Variants in LPP observed in about 807,000 individuals in gnomAD.
LPP encodes lipoma-preferred partner.
Under a neutral mutation model 60.4 loss-of-function variants are expected in LPP, and 38 were observed. The ratio of observed to expected loss-of-function variants is 0.63; its 90% CI spans 0.49 to 0.83. The LOEUF is 0.83. LPP is among the 40% of genes least tolerant of loss of function. LPP has a pLI of 0.00. For missense variants in LPP, 902 were observed against 783.6 expected, an observed-to-expected ratio of 1.15 and a Z score of -1.80; for synonymous variants, 328 against 290.8, an observed-to-expected ratio of 1.13 and a Z score of -1.30.
chr3:188,729,060 C>G (rs1273408441), intron 8 of LPP, among the ~76,000 whole-genome samples: 1 of 151,994 alleles, frequency 6.6e-6, no homozygotes, highest in Admixed American at 6.5e-5. Context: ...AAAAACCTCC[C>G]TAGGGAGATT....
chr3:188,325,273 G>A lies in LPP; in HGVS notation c.-66-16390G>A, dbSNP rs540887519. On this transcript the variant is annotated intron_variant, in intron 2 of 11. Transcript: ENST00000617246. ...TGGAATTACAGGTGTGAGCCACTGC[G>A]CCTGGCCTCTCTGCTTTTTTCATAC... Among the ~76,000 whole-genome samples, 13 of 152,204 alleles carry A rather than the reference G, an allele frequency of 8.5e-5. No homozygotes were observed. In the South Asian group the frequency reaches 2.1e-3, roughly 24 times the overall value.
chr3:188,403,137 G>A (rs1281249210), intron 3 of LPP, among the ~76,000 whole-genome samples: 1 of 152,160 alleles, frequency 6.6e-6, no homozygotes, highest in East Asian at 1.9e-4. Context: ...AGCAGCTGGA[G>A]GTGCTTCTTC....
At position 188,593,473 on chromosome 3, in the gene LPP, G is replaced by A. The variant is rs575101537; in HGVS notation, c.430-15688G>A. 3.3e-5 allele frequency among the ~76,000 whole-genome samples: 5 copies of A among 152,074 alleles called. No homozygotes were observed. The East Asian group carries it at 9.6e-4, about 29-fold the overall frequency. On this transcript the variant is annotated intron_variant, in intron 6 of 11. Transcript: ENST00000617246. ...TTTTATTTTTCCCTAAGTTATTGGG[G>A]TATAGGTGGTATTTGGTTACATTAG...
At chr3:188,361,535 T>C (rs867081328) in intron 3 of LPP, among the ~76,000 whole-genome samples, 54 of 121,534 alleles carry the variant, frequency 4.4e-4, no homozygotes, top group African/African-American at 1.4e-3. Context: ...TCCTCTCCTC[T>C]CCTCTCCTCC....
At chr3:188,229,827 A>G (rs532245085) in intron 2 of LPP, among the ~76,000 whole-genome samples, 59 of 152,256 alleles carry the variant, frequency 3.9e-4, no homozygotes, top group Middle Eastern at 3.4e-3. Flanking sequence ...CCGAATTCTC[A>G]GGTCTTCCTC....
At position 188,855,005 on chromosome 3, in the gene LPP, C is replaced by G. The variant is rs138731045; in HGVS notation, c.1411-11195C>G. On this transcript the variant is annotated intron_variant, in intron 9 of 11. Transcript: ENST00000617246. ...AATGTGCAGGCAGGCAGTCATTACTCTGTATACACATAGCTGAAAACATCA... is the reference window on the plus strand; with the variant it reads ...AATGTGCAGGCAGGCAGTCATTACTGTGTATACACATAGCTGAAAACATCA... 5.0e-3 allele frequency among the ~76,000 whole-genome samples: 754 copies of G among 152,278 alleles called. 3 individuals are homozygous for G. The highest frequency in any genetic ancestry group is 0.017 in the African/African-American group (719 of 41,544).
At chr3:188,763,347 G>T (rs1733040464) in intron 9 of LPP, among the ~76,000 whole-genome samples, 1 of 151,822 alleles carries the variant, frequency 6.6e-6, no homozygotes, top group Admixed American at 6.6e-5. Context: ...CTGAGTTCAG[G>T]AATGAGACCA....
At position 188,882,779 on chromosome 3, in the gene LPP, C is replaced by T. The variant is rs1166182550; in HGVS notation, c.*8300C>T. On this transcript the variant is annotated 3_prime_UTR_variant, in exon 12 of 12. Transcript: ENST00000617246. ...TTTGAGACGGAGTCTTGCTCTGTCGCCCAGGCTGGAGTGCAGTGGCGCAAT... is the reference window on the plus strand; with the variant it reads ...TTTGAGACGGAGTCTTGCTCTGTCGTCCAGGCTGGAGTGCAGTGGCGCAAT... 2.2e-5 allele frequency: 4 copies of T among 185,328 alleles called. No homozygotes were observed. The highest frequency in any genetic ancestry group is 4.6e-5 in the Non-Finnish European group (4 of 87,684). The allele number at this position is 185,328 out of a possible 1,614,324, so 11.5% of individuals were successfully genotyped here.
chr3:188,371,900 C>T (rs765340194), intron 3 of LPP, among the ~76,000 whole-genome samples: 256 of 151,304 alleles, frequency 1.7e-3, no homozygotes, highest in African/African-American at 2.2e-3. Context: ...TCAAGTGATC[C>T]GCCCGTCTTG....
chr3:188,269,875 T>C (rs1032400843), intron 2 of LPP, among the ~76,000 whole-genome samples: 2 of 152,234 alleles, frequency 1.3e-5, no homozygotes, highest in Admixed American at 6.5e-5. Context: ...CTTGAATTCC[T>C]GACCTCAAGT....
intron 3 of LPP, among the ~76,000 whole-genome samples, chr3:188,353,615 C>G (rs1242770364): frequency 6.6e-6 from 1 of 152,154 alleles, no homozygotes. Context: ...CACTACATAC[C>G]GAAGAGGTCT....
At chr3:188,187,381 T>C (rs1170761403) in intron 1 of LPP, among the ~76,000 whole-genome samples, 1 of 152,202 alleles carries the variant, frequency 6.6e-6, no homozygotes, top group Non-Finnish European at 1.5e-5. Flanking sequence ...ATCTAATAGA[T>C]GATTGTAATT....
intron 3 of LPP, among the ~76,000 whole-genome samples, chr3:188,366,624 G>C (rs761542811): frequency 2.0e-5 from 3 of 152,184 alleles, no homozygotes; most frequent in Non-Finnish European, 4.4e-5. Context: ...GAGAGGGAAT[G>C]AGTGCTGGAA....
intron 7 of LPP, chr3:188,688,744 A>G (rs1241714149): frequency 2.1e-6 from 1 of 482,532 alleles, no homozygotes; most frequent in Non-Finnish European, 4.3e-6. Context: ...GGTAGACAAC[A>G]TGCTTGATGC....
At chr3:188,270,707 T>A (rs913067160) in intron 2 of LPP, among the ~76,000 whole-genome samples, 5 of 152,244 alleles carry the variant, frequency 3.3e-5, no homozygotes, top group Non-Finnish European at 5.9e-5. Flanking sequence ...GTTTCCATCT[T>A]ATGCAGAACA....
chr3:188,169,532 C>T (rs1720949918), intron 1 of LPP, among the ~76,000 whole-genome samples: 1 of 152,104 alleles, frequency 6.6e-6, no homozygotes. Context: ...AGAAAAGGGT[C>T]CTGTAGCCAA....
intron 9 of LPP, among the ~76,000 whole-genome samples, chr3:188,857,275 A>T (rs1025870259): frequency 6.6e-6 from 1 of 152,218 alleles, no homozygotes; most frequent in African/African-American, 2.4e-5. Flanking sequence ...CATGCTAAAG[A>T]TTATTAACTG....
In LPP at chr3:188,214,760, G is replaced by A. The variant is rs369162465; in HGVS notation, c.-189-10645G>A. 5.9e-5 allele frequency among the ~76,000 whole-genome samples: 9 copies of A among 152,232 alleles called. No homozygotes were observed. In the East Asian group the frequency reaches 1.6e-3, roughly 26 times the overall value. The stretch of plus-strand genomic sequence containing the variant: ...GAGCCTTGAAGAAGGAAAGCCTGGG[G>A]TGTTTTTCTGTGGTGCTGAGGGACA... On this transcript the variant is annotated intron_variant, in intron 1 of 11. Transcript: ENST00000617246.
chr3:188,807,451 T>C (rs1292657898), intron 9 of LPP, among the ~76,000 whole-genome samples: 2 of 152,062 alleles, frequency 1.3e-5, no homozygotes, highest in East Asian at 3.9e-4. Context: ...TTTTATTTTG[T>C]TTTGGTGGTT....
Sources: gnomAD v4.1 joint callset for allele counts (sites outside exome capture counted in the v4.1 genomes callset) on GRCh38, gnomAD v4.1.1 for gene constraint, MANE v1.5 for transcripts, NCBI Gene and HGNC (gene_info 2026-07-23, HGNC 2026-07-21) for gene names.